Variants in PMPCB observed in about 807,000 individuals in gnomAD.
The protein encoded by PMPCB is mitochondrial-processing peptidase subunit beta.
Under a neutral mutation model 61.5 loss-of-function variants are expected in PMPCB, and 46 were observed. That is an observed-to-expected ratio of 0.75 (90% CI 0.59 to 0.96). PMPCB has a LOEUF of 0.96. Ranked by LOEUF, PMPCB falls within the 40% of genes least tolerant of loss-of-function variation. The pLI is 0.00. For missense variants in PMPCB, 590 were observed against 602.4 expected (o/e 0.98, Z 0.22); for synonymous variants, 191 against 201.6 (o/e 0.95, Z 0.44).
intron 9 of PMPCB, chr7:103,310,688 T>C: frequency 7.9e-6 from 2 of 252,358 alleles, no homozygotes; most frequent in Non-Finnish European, 1.5e-5. Flanking sequence ...TTTTTTTTTT[T>C]TTTTTTTGAG....
chr7:103,298,489 T>C, intron 1 of PMPCB, 79 bp from the exon 2 acceptor site: 1 of 1,361,018 alleles, frequency 7.3e-7, no homozygotes. Context: ...TTAAAATAGA[T>C]TTGGTTTTAA....
chr7:103,346,818 A>ATGTGTG, the PMPCB span, among the ~76,000 whole-genome samples: 2,706 of 150,168 alleles, frequency 0.018, 33 homozygotes, highest in Non-Finnish European at 0.025. Context: ...AGGCTGAATA[A>ATGTGTG]TGTGTGTGTG....
chr7:103,320,760 C>T (rs199591230), intron 12 of PMPCB: 34 of 89,280 alleles, frequency 3.8e-4, no homozygotes, highest in African/African-American at 8.1e-4. Context: ...TATATATATA[C>T]ACATATATAT....
intron 12 of PMPCB, chr7:103,323,539 A>C: frequency 7.3e-7 from 1 of 1,376,630 alleles, no homozygotes; most frequent in South Asian, 1.5e-5. Flanking sequence ...TTTTTACATC[A>C]TCACAAATAC....
Position 103,314,581 on chromosome 7 carries a change from AGGT to A in PMPCB, c.*2312_*2314del, listed in dbSNP as rs1817942452. The A allele has an allele frequency of 2.0e-6, 2 of 985,168 alleles. No homozygotes were observed. The highest frequency in any genetic ancestry group is 2.4e-6 in the Non-Finnish European group (2 of 829,826). 61.0% of individuals were successfully genotyped at this position (985,168 alleles called of 1,614,324 possible). A position where few individuals can be genotyped will look rare whatever the true frequency, so the allele number is the denominator to read the frequency against. ...TACCTGTTGTATTTTGTGGAGATAA[AGGT>A]GCAGGAGAATAAACTCCTTTATAAA... On this transcript the variant is annotated 3_prime_UTR_variant, in exon 13 of 13. Coordinates refer to ENST00000249269, the MANE Select transcript of PMPCB (RefSeq NM_004279.3).
chr7:103,316,035 C>T (rs2115782788), downstream of PMPCB: 5 of 1,603,440 alleles, frequency 3.1e-6, no homozygotes, highest in Non-Finnish European at 4.3e-6. Flanking sequence ...TTTGGCAGTT[C>T]TTTTGACTCC....
At chr7:103,299,733 A>T (rs1210093098) in intron 3 of PMPCB, among the ~76,000 whole-genome samples, 1 of 152,138 alleles carries the variant, frequency 6.6e-6, no homozygotes. Flanking sequence ...AGTTATCTGA[A>T]CGTATACCAT....
rs1280751036 is a variant in PMPCB at position 103,303,880 on chromosome 7, T to C, written c.496T>C (p.Leu166=). The C allele has an allele frequency of 2.5e-6, 4 of 1,613,752 alleles. No homozygotes were observed. The highest frequency in any genetic ancestry group is 3.4e-6 in the Non-Finnish European group (4 of 1,179,740). ...TGCTGATATAATACAAAACAGCACA[T>C]TGGGAGAAGCAGAGATTGAACGTGA... is the stretch of plus-strand genomic sequence containing the variant. The part of the protein sequence containing the change: ...ILADIIQNST[L]GEAEIERERG... Residue 166 remains leucine, a synonymous_variant, in exon 5 of 13, where the codon TTG becomes CTG. Coordinates refer to ENST00000249269, the MANE Select transcript of PMPCB (RefSeq NM_004279.3).
In PMPCB at chr7:103,297,525, C is replaced by T; in HGVS notation, c.66C>T (p.Ser22=). ...SAARRRLWGF[S]ESLLIRGAAG... is the part of the protein sequence containing the mutation. ...CGCGGCGGCGGCTCTGGGGTTTCAG[C>T]GAGAGTCTTCTAATCCGAGGCGCTG... is the stretch of plus-strand genomic sequence containing the variant. Residue 22 remains serine (S), a synonymous_variant, in exon 1 of 13, where the codon AGC becomes AGT. Coordinates refer to ENST00000249269, the MANE Select transcript of PMPCB (RefSeq NM_004279.3). 1 of 1,603,712 alleles carries T rather than the reference C, an allele frequency of 6.2e-7. No individual in the cohort carries two copies. The highest frequency in any genetic ancestry group is 8.5e-7 in the Non-Finnish European group (1 of 1,174,326).
At chr7:103,331,509 C>A (rs1586102179), downstream of PMPCB, among the ~76,000 whole-genome samples, 1 of 152,134 alleles carries the variant, frequency 6.6e-6, no homozygotes, top group African/African-American at 2.4e-5. Context: ...TATCCCTCTC[C>A]TCCCAATACC....
At chr7:103,309,578 G>C (rs1237684775) in intron 8 of PMPCB, among the ~76,000 whole-genome samples, 1 of 152,142 alleles carries the variant, frequency 6.6e-6, no homozygotes, top group Non-Finnish European at 1.5e-5. Context: ...AAGTATACAG[G>C]AGAATGTGCT....
chr7:103,308,198 A>C (rs998057081), intron 7 of PMPCB, among the ~76,000 whole-genome samples: 2 of 152,244 alleles, frequency 1.3e-5, no homozygotes, highest in Non-Finnish European at 1.5e-5. Flanking sequence ...CTAGCTGCTT[A>C]GTTTGCCATG....
intron 6 of PMPCB, among the ~76,000 whole-genome samples, chr7:103,304,748 G>C (rs1421609306): frequency 2.6e-5 from 4 of 152,030 alleles, no homozygotes; most frequent in African/African-American, 9.7e-5. Flanking sequence ...GGATCACGAG[G>C]TCAGGAGTTC....
intron 6 of PMPCB, among the ~76,000 whole-genome samples, chr7:103,306,759 A>G (rs1485127824): frequency 6.6e-6 from 1 of 151,856 alleles, no homozygotes; most frequent in African/African-American, 2.4e-5. Flanking sequence ...TATTTATTTA[A>G]TTTTATTTAT....
chr7:103,337,248 C>T, the PMPCB span: 12 of 153,498 alleles, frequency 7.8e-5, no homozygotes, highest in East Asian at 2.3e-3. Flanking sequence ...CAACATTACC[C>T]TCTCCCATGC....
chr7:103,317,160 G>T (rs1257489470), downstream of PMPCB: 3 of 690,104 alleles, frequency 4.3e-6, no homozygotes, highest in Admixed American at 9.1e-5. Flanking sequence ...CCAAAAAGAA[G>T]CACCAGCTTT....
At chr7:103,308,830 AAT>A (rs1459666271) in intron 7 of PMPCB, 120 bp from the exon 8 acceptor site, 5 of 640,500 alleles carry the variant, frequency 7.8e-6, no homozygotes, top group East Asian at 3.1e-5. Flanking sequence ...AAAAAATCAA[AAT>A]AGAGTCCTGG....
downstream of PMPCB, among the ~76,000 whole-genome samples, chr7:103,333,272 C>G (rs796309952): frequency 1.6e-4 from 24 of 152,262 alleles, no homozygotes; most frequent in Admixed American, 5.9e-4. Flanking sequence ...TGAATTTCCA[C>G]CTTATCTTTT....
intron 12 of PMPCB, chr7:103,327,595 C>T: frequency 8.9e-7 from 1 of 1,129,574 alleles, no homozygotes; most frequent in Non-Finnish European, 1.3e-6. Context: ...GAAACCCAAT[C>T]CCAGCAATTA....
Sources: allele counts gnomAD v4.1 joint callset (sites outside exome capture counted in the v4.1 genomes callset), GRCh38; gene constraint gnomAD v4.1.1; transcripts MANE v1.5; gene names NCBI Gene and HGNC (gene_info 2026-07-23, HGNC 2026-07-21).